The following SEC22C variants were observed in gnomAD, a reference collection of about 807,000 sequenced individuals.
The protein encoded by SEC22C is SEC22 homolog C, vesicle trafficking protein.
Under a neutral mutation model 34.7 loss-of-function variants are expected in SEC22C, and 29 were observed. The ratio of observed to expected loss-of-function variants is 0.84; its 90% CI spans 0.62 to 1.14. The LOEUF (loss-of-function observed/expected upper bound fraction) is 1.14, where lower values mean the gene tolerates loss of function less well. Ranked by LOEUF, SEC22C falls within the 50% of genes most tolerant of loss-of-function variation. The pLI is 0.00. For missense variants in SEC22C, 337 were observed against 369.0 expected (o/e 0.91, Z 0.71); for synonymous variants, 117 against 132.8 (o/e 0.88, Z 0.82).
intron 5 of SEC22C, among the ~76,000 whole-genome samples, chr3:42,557,047 A>C (rs1702573305): frequency 6.6e-6 from 1 of 152,152 alleles, no homozygotes; most frequent in South Asian, 2.1e-4. Flanking sequence ...AATACTTCTC[A>C]AAATACTTCA....
At chr3:42,587,033 A>G (rs1464353134) in intron 1 of SEC22C, among the ~76,000 whole-genome samples, 1 of 152,154 alleles carries the variant, frequency 6.6e-6, no homozygotes, top group Non-Finnish European at 1.5e-5. Flanking sequence ...GGCCTGCCAA[A>G]TCTACTTCTA....
intron 1 of SEC22C, among the ~76,000 whole-genome samples, chr3:42,593,757 G>A (rs552082311): frequency 1.6e-4 from 25 of 152,308 alleles, no homozygotes; most frequent in African/African-American, 5.8e-4. Flanking sequence ...AGTAAGTGGG[G>A]GGAGGAGTGC....
upstream of SEC22C, among the ~76,000 whole-genome samples, chr3:42,585,686 A>G (rs1704587286): frequency 6.6e-6 from 1 of 152,234 alleles, no homozygotes; most frequent in African/African-American, 2.4e-5. Flanking sequence ...CTAGAAGGAT[A>G]GTAACACCCA....
intron 1 of SEC22C, chr3:42,581,426 T>C (rs1213959681): frequency 1.3e-5 from 2 of 152,250 alleles, no homozygotes; most frequent in Non-Finnish European, 2.9e-5. Context: ...AAAAGTTGGT[T>C]CAGTGTATCC....
At chr3:42,563,483 C>T in intron 3 of SEC22C, 40 bp downstream of exon 3, 1 of 1,569,102 alleles carries the variant, frequency 6.4e-7, no homozygotes, top group South Asian at 1.2e-5. Flanking sequence ...ACATATAACA[C>T]CATGGAAGAG....
upstream of SEC22C, chr3:42,582,408 AC>A (rs1172744749): frequency 3.3e-5 from 5 of 152,380 alleles, no homozygotes; most frequent in African/African-American, 9.6e-5. Flanking sequence ...AGCACAACCT[AC>A]TGCCAGCCTG....
chr3:42,563,851 ACTGT>A (rs745385871), intron 2 of SEC22C, 165 bp from the exon 3 acceptor site: 49 of 1,511,430 alleles, frequency 3.2e-5, no homozygotes, highest in East Asian at 5.2e-5. Context: ...TATTCCTGAG[ACTGT>A]CTTTCTTCCG....
rs544835457 is a variant in SEC22C at position 42,553,229 on chromosome 3, A to G, written c.*19T>C. 7.4e-4 allele frequency: 1,193 copies of G among 1,612,962 alleles called. 10 individuals are homozygous for G. In the South Asian group the frequency reaches 0.012, roughly 17 times the overall value. Reference sequence around the variant, plus strand: ...TCCTCAAAAGAAAATCAAAGAATCCATTCATCACAGTGTCATCCTCATACT... The same window carrying G: ...TCCTCAAAAGAAAATCAAAGAATCCGTTCATCACAGTGTCATCCTCATACT... On this transcript the variant is annotated 3_prime_UTR_variant, in exon 7 of 7. Coordinates refer to ENST00000264454, the MANE Select transcript of SEC22C (RefSeq NM_032970.4).
rs2125691177 is a variant in SEC22C at position 42,550,935 on chromosome 3, C to T, written c.*2313G>A. On this transcript the variant is annotated 3_prime_UTR_variant, in exon 7 of 7. Transcript: ENST00000264454. Reference sequence around the variant, plus strand: ...CCAGGCTGGAGTGCAGTGGCTCGATCTCGGCTCACTGCAACCTCCACCTCC... The same window carrying T: ...CCAGGCTGGAGTGCAGTGGCTCGATTTCGGCTCACTGCAACCTCCACCTCC... 2 of 825,206 alleles carry T rather than the reference C, an allele frequency of 2.4e-6. No homozygotes were observed. The highest frequency in any genetic ancestry group is 2.9e-6 in the Non-Finnish European group (2 of 689,916). 51.1% of individuals were successfully genotyped at this position (825,206 alleles called of 1,614,324 possible).
rs939332302 is a variant in SEC22C, at chr3:42,591,046, T to C, written c.-28+9914A>G. 208 of 1,458,690 alleles carry C rather than the reference T, an allele frequency of 1.4e-4. 3 individuals are homozygous for C. The highest frequency in any genetic ancestry group is 1.2e-3 in the South Asian group (95 of 82,426). 90.4% of individuals were successfully genotyped at this position (1,458,690 alleles called of 1,614,324 possible). ...GCTGCGGGGTGCGAGAAGCATCCTG[T>C]AGTGAGCGGCCTCCCAGCTGACTGT... On this transcript the variant is annotated intron_variant, in intron 1 of 6. Coordinates refer to the SEC22C transcript ENST00000417572.
Position 42,548,865 on chromosome 3 carries a change from G to T in SEC22C, c.*4383C>A. 7.2e-7 allele frequency: 1 copy of T among 1,390,142 alleles called. No individual in the cohort carries two copies. The highest frequency in any genetic ancestry group is 9.3e-7 in the Non-Finnish European group (1 of 1,071,768). 86.1% of individuals were successfully genotyped at this position (1,390,142 alleles called of 1,614,324 possible). On this transcript the variant is annotated 3_prime_UTR_variant, in exon 7 of 7. Transcript: ENST00000264454. ...GCAGAAAAACCTTCATGTACCAGGT[G>T]AATGTAAAGCCTTTCTCCTCCCACA...
chr3:42,589,848 A>G (rs1423248019), intron 1 of SEC22C, among the ~76,000 whole-genome samples: 1 of 152,186 alleles, frequency 6.6e-6, no homozygotes, highest in Non-Finnish European at 1.5e-5. Context: ...ACTACAACCA[A>G]TTCAGTTGCA....
intron 4 of SEC22C, among the ~76,000 whole-genome samples, chr3:42,560,527 A>C (rs73071394): frequency 2.6e-5 from 4 of 151,452 alleles, no homozygotes; most frequent in Non-Finnish European, 4.4e-5. Flanking sequence ...AAAAAAAAAA[A>C]AAGAAGAAGA....
chr3:42,580,603 G>A (rs1235239133), intron 1 of SEC22C: 1 of 152,150 alleles, frequency 6.6e-6, no homozygotes, highest in Non-Finnish European at 1.5e-5. Flanking sequence ...CTTTTACACT[G>A]ATAATGTTAT....
intron 1 of SEC22C, among the ~76,000 whole-genome samples, chr3:42,576,756 A>G (rs1703992191): frequency 6.6e-6 from 1 of 152,146 alleles, no homozygotes; most frequent in African/African-American, 2.4e-5. Context: ...TAAGCAAGCG[A>G]GTTTGTGGCT....
At position 42,560,128 on chromosome 3, in the gene SEC22C, A is replaced by C. The variant is rs866708565; in HGVS notation, c.526+989T>G. ...TCTCTCTCTCTCTCTCTCTATATATATATATATATAAATAATAATTGTTTT... is the reference window on the plus strand; with the variant it reads ...TCTCTCTCTCTCTCTCTCTATATATCTATATATATAAATAATAATTGTTTT... On this transcript the variant is annotated intron_variant, in intron 4 of 6. Coordinates refer to ENST00000264454, the MANE Select transcript of SEC22C (RefSeq NM_032970.4). Among the ~76,000 whole-genome samples, 485 of 142,362 alleles carry C rather than the reference A, an allele frequency of 3.4e-3. 3 individuals carry two copies. Among genetic ancestry groups the C allele is most frequent in the African/African-American group, 0.011 (410 of 37,798 alleles). The allele number at this position is 142,362 out of a possible 152,430, so 93.4% of individuals were successfully genotyped here.
upstream of SEC22C, among the ~76,000 whole-genome samples, chr3:42,583,044 T>G (rs1199360458): frequency 1.3e-5 from 2 of 151,812 alleles, no homozygotes; most frequent in Non-Finnish European, 2.9e-5. Flanking sequence ...AAACTCAGAG[T>G]TTAGAGAATA....
chr3:42,597,325 G>A (rs1298899209), intron 1 of SEC22C, among the ~76,000 whole-genome samples: 6 of 152,214 alleles, frequency 3.9e-5, no homozygotes, highest in Admixed American at 6.5e-5. Context: ...GGAGGCCAAC[G>A]CGGGCAGATC....
intron 1 of SEC22C, chr3:42,590,859 C>A (rs989792933): frequency 1.9e-6 from 3 of 1,609,148 alleles, no homozygotes; most frequent in Non-Finnish European, 1.7e-6. Context: ...TATCGTGGGT[C>A]GAGTTGCTTG....
Sources: allele counts gnomAD v4.1 joint callset (sites outside exome capture counted in the v4.1 genomes callset), GRCh38; gene constraint gnomAD v4.1.1; transcripts MANE v1.5; gene names NCBI Gene and HGNC (gene_info 2026-07-23, HGNC 2026-07-21).